Variants in DLC1 observed in about 807,000 individuals in gnomAD.
The protein encoded by DLC1 is rho GTPase-activating protein 7.
DLC1 carries 54 observed loss-of-function variants against 140.3 expected under a neutral mutation model. That is an observed-to-expected ratio of 0.38 (90% CI 0.31 to 0.48). The LOEUF is 0.48. Ranked by LOEUF, DLC1 falls within the 20% of genes least tolerant of loss-of-function variation. The pLI is 0.96. For missense variants in DLC1, 2,536 were observed against 1,907.0 expected (o/e 1.33, Z -6.14); for synonymous variants, 986 against 728.1 (o/e 1.35, Z -5.70).
chr8:13,453,574 T>TTTC (rs1457492614), intron 2 of DLC1, among the ~76,000 whole-genome samples: 9 of 112,544 alleles, frequency 8.0e-5, no homozygotes, highest in African/African-American at 3.3e-4. Context: ...TTTTTTTTTT[T>TTTC]CAGATAGAAA....
At chr8:13,164,678 T>C (rs753352300) in intron 5 of DLC1, among the ~76,000 whole-genome samples, 6 of 152,158 alleles carry the variant, frequency 3.9e-5, no homozygotes, top group African/African-American at 1.4e-4. Flanking sequence ...AGTGCAGACA[T>C]TGATACTTTT....
At chr8:13,325,055 A>T (rs932348149) in intron 4 of DLC1, among the ~76,000 whole-genome samples, 2 of 152,250 alleles carry the variant, frequency 1.3e-5, no homozygotes, top group Non-Finnish European at 2.9e-5. Flanking sequence ...TCACATAGAA[A>T]ACAGATATAA....
At chr8:13,159,399 C>T (rs548007685) in intron 5 of DLC1, among the ~76,000 whole-genome samples, 5 of 152,290 alleles carry the variant, frequency 3.3e-5, no homozygotes, top group Admixed American at 6.5e-5. Flanking sequence ...CAGGGCGCTG[C>T]ACTTTATCAA....
At position 13,155,976 on chromosome 8, in the gene DLC1, G is replaced by GA. The variant is rs78804042; in HGVS notation, c.1349-40320dup. The stretch of plus-strand genomic sequence containing the variant: ...CTGAGTCTTGATTTTTTAGACATTT[G>GA]AAAAAAATCTGTTCTTTAAATTTAT... On this transcript the variant is annotated intron_variant, in intron 5 of 17. Coordinates refer to ENST00000276297, the MANE Select transcript of DLC1 (RefSeq NM_182643.3). Among the ~76,000 whole-genome samples, 26 of 151,826 alleles carry GA rather than the reference G, an allele frequency of 1.7e-4. 1 individual carries two copies. The East Asian group carries it at 4.8e-3, about 28-fold the overall frequency.
intron 1 of DLC1, among the ~76,000 whole-genome samples, chr8:13,506,916 A>G (rs1037359690): frequency 6.6e-6 from 1 of 152,070 alleles, no homozygotes; most frequent in African/African-American, 2.4e-5. Flanking sequence ...AATATCTGGT[A>G]ATGATATGAA....
At position 13,100,419 on chromosome 8, in the gene DLC1, G is replaced by T. The variant is rs1231643604; in HGVS notation, c.1918C>A (p.Leu640Met). 1 of 1,614,030 alleles carries T rather than the reference G, an allele frequency of 6.2e-7. No individual in the cohort carries two copies. Among genetic ancestry groups the T allele is most frequent in the African/African-American group, 1.3e-5 (1 of 74,938 alleles). ...LAGNDDSFGS[L>M]PSPKELSSFS... ...CTGGACAGTTCCTTGGGAGAGGGCA[G>T]GCTGCCGAAAGAGTCGTCATTGCCT... The change falls in exon 9 of 18, where the codon CTG (leucine) becomes ATG (methionine). Residue 640 changes from leucine (L) to methionine (M), a missense_variant. Transcript: ENST00000276297.
intron 4 of DLC1, among the ~76,000 whole-genome samples, chr8:13,372,765 G>T (rs1314168941): frequency 6.6e-5 from 10 of 152,128 alleles, no homozygotes; most frequent in Admixed American, 2.0e-4. Context: ...TTTAGCACAA[G>T]AGTTTTATTT....
At chr8:13,414,087 A>G (rs1837935378) in intron 2 of DLC1, among the ~76,000 whole-genome samples, 1 of 152,152 alleles carries the variant, frequency 6.6e-6, no homozygotes, top group Non-Finnish European at 1.5e-5. Flanking sequence ...CACAAACACG[A>G]AAAAGCTCCC....
At chr8:13,444,251 G>T (rs1018574717) in intron 2 of DLC1, among the ~76,000 whole-genome samples, 6 of 152,130 alleles carry the variant, frequency 3.9e-5, no homozygotes, top group African/African-American at 1.4e-4. Flanking sequence ...GTTGAACAAT[G>T]AGAACACTTG....
chr8:13,236,207 T>C (rs1453655052), intron 5 of DLC1, among the ~76,000 whole-genome samples: 1 of 152,088 alleles, frequency 6.6e-6, no homozygotes, highest in Non-Finnish European at 1.5e-5. Context: ...TAAAACTTTC[T>C]TTGGATATAC....
chr8:13,356,039 G>A (rs535652993), intron 4 of DLC1, among the ~76,000 whole-genome samples: 4 of 139,770 alleles, frequency 2.9e-5, no homozygotes, highest in Non-Finnish European at 4.5e-5. Flanking sequence ...GCAGTGAGCC[G>A]GGATCGCGCC....
At chr8:13,228,867 CA>C (rs2117190249) in intron 5 of DLC1, among the ~76,000 whole-genome samples, 1 of 152,290 alleles carries the variant, frequency 6.6e-6, no homozygotes, top group African/African-American at 2.4e-5. Flanking sequence ...ATGGGGAATG[CA>C]AATCAAAGCT....
chr8:13,265,041 C>A (rs1175644521), intron 5 of DLC1, among the ~76,000 whole-genome samples: 1 of 152,166 alleles, frequency 6.6e-6, no homozygotes, highest in Admixed American at 6.5e-5. Context: ...ACCTTCAGAG[C>A]TCAATTTGTA....
chr8:13,526,006 A>G (rs1363716486), intron 1 of DLC1, among the ~76,000 whole-genome samples: 1 of 152,166 alleles, frequency 6.6e-6, no homozygotes, highest in African/African-American at 2.4e-5. Flanking sequence ...TTATATGGTG[A>G]AAGTATGGAT....
chr8:13,373,670 T>C (rs1835831822), intron 4 of DLC1, among the ~76,000 whole-genome samples: 1 of 152,218 alleles, frequency 6.6e-6, no homozygotes, highest in Non-Finnish European at 1.5e-5. Flanking sequence ...ATCTACTATA[T>C]AAATTGAGAT....
intron 1 of DLC1, among the ~76,000 whole-genome samples, chr8:13,589,656 A>T (rs1805450221): frequency 6.8e-6 from 1 of 147,004 alleles, no homozygotes; most frequent in Non-Finnish European, 1.5e-5. Flanking sequence ...TGTTATGTTC[A>T]TCCTTTCTGC....
intron 5 of DLC1, among the ~76,000 whole-genome samples, chr8:13,280,287 CAAAAAA>C (rs55791933): frequency 1.5e-5 from 1 of 65,352 alleles, no homozygotes; most frequent in Non-Finnish European, 2.7e-5. Context: ...GACTCCATCT[CAAAAAA>C]AAAAAAAAAA....
chr8:13,430,472 C>T (rs1196558896), intron 2 of DLC1, among the ~76,000 whole-genome samples: 1 of 152,116 alleles, frequency 6.6e-6, no homozygotes, highest in Non-Finnish European at 1.5e-5. Flanking sequence ...GTGATGATTA[C>T]ATATTAGAGT....
chr8:13,249,441 T>G (rs565891846), intron 5 of DLC1, among the ~76,000 whole-genome samples: 1 of 152,236 alleles, frequency 6.6e-6, no homozygotes, highest in Admixed American at 6.5e-5. Context: ...AGACTATTGG[T>G]ATCCTCTATC....
Sources: gnomAD v4.1 joint callset for allele counts (sites outside exome capture counted in the v4.1 genomes callset) on GRCh38, gnomAD v4.1.1 for gene constraint, MANE v1.5 for transcripts, NCBI Gene and HGNC (gene_info 2026-07-23, HGNC 2026-07-21) for gene names.